FAAP20: variants seen among roughly 807,000 people sequenced by gnomAD.
FAAP20 encodes Fanconi anemia core complex-associated protein 20.
A neutral mutation model predicts 16.2 loss-of-function variants in FAAP20; 12 were observed. The observed-to-expected ratio is 0.74, with a 90% confidence interval of 0.48 to 1.20. FAAP20 has a LOEUF of 1.20. Ranked by LOEUF, FAAP20 falls within the 50% of genes most tolerant of loss-of-function variation. The probability of loss-of-function intolerance (pLI) is 0.00; values close to 1 mark genes in which losing one functional copy is unlikely to be tolerated. For missense variants in FAAP20, 288 were observed against 245.8 expected (o/e 1.17, Z -1.15); for synonymous variants, 141 against 110.7 (o/e 1.27, Z -1.72).
chr1:2,211,793 C>T (rs967455908), downstream of FAAP20, among the ~76,000 whole-genome samples: 1 of 150,606 alleles, frequency 6.6e-6, no homozygotes, highest in African/African-American at 2.5e-5. Flanking sequence ...TCATGTTGGC[C>T]AGGCTGGTCT....
downstream of FAAP20, chr1:2,185,462 G>A (rs368130570): frequency 1.9e-5 from 14 of 718,530 alleles, no homozygotes; most frequent in South Asian, 2.1e-4. Flanking sequence ...CCACACGTAG[G>A]GGGGCAGCTT....
downstream of FAAP20, among the ~76,000 whole-genome samples, chr1:2,209,080 G>T (rs758072942): frequency 1.3e-5 from 2 of 152,112 alleles, no homozygotes; most frequent in Non-Finnish European, 2.9e-5. Flanking sequence ...TTCCCCAGGG[G>T]AGCAAAGCTG....
At chr1:2,205,535 C>T (rs534623868) in intron 3 of FAAP20, among the ~76,000 whole-genome samples, 55 of 152,188 alleles carry the variant, frequency 3.6e-4, no homozygotes, top group Non-Finnish European at 4.7e-4. Context: ...GTGCAAGAGG[C>T]GTGGGAAGCG....
chr1:2,193,485 G>A, intron 3 of FAAP20, 154 bp downstream of exon 3: 1 of 1,224,158 alleles, frequency 8.2e-7, no homozygotes, highest in South Asian at 1.6e-5. Flanking sequence ...AGAGCCACCT[G>A]GACATGCCAG....
chr1:2,193,311 G>A, intron 3 of FAAP20: 1 of 510,680 alleles, frequency 2.0e-6, no homozygotes, highest in Non-Finnish European at 3.4e-6. Context: ...TCGGGAAGGT[G>A]TTCCTGTGCT....
rs1033466574 is a variant in FAAP20, at chr1:2,192,189, C to T, written c.470+1450G>A. 6 of 985,668 alleles carry T rather than the reference C, an allele frequency of 6.1e-6. No individual in the cohort carries two copies. In the Admixed American group the frequency reaches 3.7e-4, roughly 60 times the overall value. 61.1% of individuals were successfully genotyped at this position (985,668 alleles called of 1,614,324 possible). A position where few individuals can be genotyped will look rare whatever the true frequency, so the allele number is the denominator to read the frequency against. Reference sequence around the variant, plus strand: ...TGCGGTCAGGAGTCCCAGGGCATCCCAGGGTGGCTGTGCAAACCCTTGTTC... The same window carrying T: ...TGCGGTCAGGAGTCCCAGGGCATCCTAGGGTGGCTGTGCAAACCCTTGTTC... On this transcript the variant is annotated intron_variant, in intron 3 of 3. Coordinates refer to ENST00000378546, the MANE Select transcript of FAAP20 (RefSeq NM_182533.4).
intron 3 of FAAP20, chr1:2,190,899 C>T: frequency 6.0e-6 from 1 of 165,634 alleles, no homozygotes; most frequent in South Asian, 1.4e-4. Flanking sequence ...TTGCTGTGTC[C>T]CTTCCTTTGG....
At chr1:2,184,896 C>CA, downstream of FAAP20, 1 of 1,599,880 alleles carries the variant, frequency 6.3e-7, no homozygotes, top group Non-Finnish European at 8.6e-7. Flanking sequence ...GGTCACCCCC[C>CA]TCCCCCCTGC....
chr1:2,186,955 T>G, downstream of FAAP20: 2 of 274,682 alleles, frequency 7.3e-6, no homozygotes, highest in South Asian at 6.4e-5. Flanking sequence ...GTAATTTGTT[T>G]TATAAATTAA....
At chr1:2,197,400 G>A (rs1027253905), upstream of FAAP20, among the ~76,000 whole-genome samples, 1 of 152,228 alleles carries the variant, frequency 6.6e-6, no homozygotes, top group Non-Finnish European at 1.5e-5. Flanking sequence ...GGACACCTGC[G>A]CTGCCCGGCT....
chr1:2,208,758 T>C (rs1689355335), downstream of FAAP20, among the ~76,000 whole-genome samples: 1 of 152,218 alleles, frequency 6.6e-6, no homozygotes, highest in Non-Finnish European at 1.5e-5. Flanking sequence ...CCAGAGGGGT[T>C]TGGGCCGGGC....
downstream of FAAP20, among the ~76,000 whole-genome samples, chr1:2,188,048 T>C (rs1350814275): frequency 6.6e-6 from 1 of 152,172 alleles, no homozygotes. Context: ...GGCTCCGTGT[T>C]TTTTGCGGCC....
At chr1:2,204,608 G>A (rs1218622636), upstream of FAAP20, among the ~76,000 whole-genome samples, 1 of 151,234 alleles carries the variant, frequency 6.6e-6, no homozygotes, top group East Asian at 2.0e-4. Flanking sequence ...GAGCCCCCGG[G>A]AGCCGGAGAA....
chr1:2,203,557 C>G, upstream of FAAP20: 1 of 986,104 alleles, frequency 1.0e-6, no homozygotes, highest in South Asian at 4.7e-5. Context: ...TGGCTGGTGC[C>G]CCTCACCTGG....
chr1:2,209,951 A>G (rs1557796851), downstream of FAAP20, among the ~76,000 whole-genome samples: 1 of 152,092 alleles, frequency 6.6e-6, no homozygotes, highest in African/African-American at 2.4e-5. Context: ...GGGCACTGAA[A>G]CGCTCACGGG....
chr1:2,208,158 G>A (rs900313806), downstream of FAAP20, among the ~76,000 whole-genome samples: 1 of 152,048 alleles, frequency 6.6e-6, no homozygotes, highest in Non-Finnish European at 1.5e-5. Flanking sequence ...GTCAGCCTCA[G>A]AGCTCCCACC....
chr1:2,184,752 A>G (rs377706761), downstream of FAAP20: 599 of 1,534,064 alleles, frequency 3.9e-4, 8 homozygotes, highest in South Asian at 6.5e-3. Context: ...GCCCCATGGC[A>G]GGCCGGCACC....
At chr1:2,185,077 T>C, downstream of FAAP20, 1 of 1,429,154 alleles carries the variant, frequency 7.0e-7, no homozygotes, top group Non-Finnish European at 9.7e-7. Context: ...CCACCGCATA[T>C]GCATGCCAGG....
upstream of FAAP20, chr1:2,201,253 G>A (rs920751715): frequency 4.2e-6 from 5 of 1,184,304 alleles, no homozygotes; most frequent in African/African-American, 6.3e-5. Context: ...GACAGTGGGT[G>A]GCCTGGGCCC....
Sources: allele counts gnomAD v4.1 joint callset (sites outside exome capture counted in the v4.1 genomes callset), GRCh38; gene constraint gnomAD v4.1.1; transcripts MANE v1.5; gene names NCBI Gene and HGNC (gene_info 2026-07-23, HGNC 2026-07-21).